Variants in RYK observed in about 807,000 individuals in gnomAD.
RYK encodes the protein inactive tyrosine-protein kinase RYK.
In RYK, 21 loss-of-function variants were observed where a neutral mutation model predicts 70.2. That is an observed-to-expected ratio of 0.30 (90% confidence interval 0.21 to 0.43). RYK has a LOEUF of 0.43. RYK is among the 20% of genes least tolerant of loss of function. The pLI, the probability that RYK is intolerant of heterozygous loss-of-function variation, is 1.00. For synonymous variants in RYK, 267 were observed against 278.0 expected (o/e 0.96, Z 0.39); for missense variants, 604 against 753.3 (o/e 0.80, Z 2.32).
chr3:134,168,401 G>C (rs2012766900), intron 13 of RYK, among the ~76,000 whole-genome samples: 1 of 152,178 alleles, frequency 6.6e-6, no homozygotes, highest in African/African-American at 2.4e-5. Context: ...ACTGGATTAA[G>C]AAAATGTGGC....
At position 134,174,090 on chromosome 3, in the gene RYK, C is replaced by T. The variant is rs578109094; in HGVS notation, c.1575+1519G>A. 9.2e-5 allele frequency among the ~76,000 whole-genome samples: 14 copies of T among 152,160 alleles called. No individual in the cohort carries two copies. The South Asian group carries it at 2.7e-3, about 29-fold the overall frequency. On this transcript the variant is annotated intron_variant, in intron 13 of 14. Transcript: ENST00000623711. ...AGGGAGGCAAAGAGAGTTTGAAAGA[C>T]GTATGTGAAGAAGAAGGTGGTATGA...
chr3:134,201,553 G>A (rs796110734), intron 6 of RYK, among the ~76,000 whole-genome samples: 5 of 152,330 alleles, frequency 3.3e-5, no homozygotes, highest in African/African-American at 1.2e-4. Context: ...GAGACAAAGA[G>A]AAAGGGGTGT....
At chr3:134,191,790 G>T (rs985687139) in intron 8 of RYK, 59 bp downstream of exon 8, 6 of 1,385,690 alleles carry the variant, frequency 4.3e-6, no homozygotes, top group Non-Finnish European at 5.9e-6. Flanking sequence ...TTTGAAAAAA[G>T]TGTCTATAGT....
intron 13 of RYK, among the ~76,000 whole-genome samples, chr3:134,174,260 G>A (rs940118787): frequency 3.9e-5 from 6 of 152,156 alleles, no homozygotes; most frequent in Non-Finnish European, 7.4e-5. Flanking sequence ...GGCCTCAGAA[G>A]TGAACCACGA....
intron 6 of RYK, among the ~76,000 whole-genome samples, chr3:134,196,453 A>G (rs78785214): frequency 0.01 from 1,573 of 152,282 alleles, 12 homozygotes; most frequent in Non-Finnish European, 0.014. Context: ...TTAAAAAAAT[A>G]CATAATAAAG....
intron 4 of RYK, 90 bp downstream of exon 4, chr3:134,209,605 G>A: frequency 1.1e-6 from 1 of 926,760 alleles, no homozygotes; most frequent in East Asian, 3.2e-5. Context: ...TCATGAGTTG[G>A]ACATACTTAA....
chr3:134,183,719 C>A (rs2013375703), intron 9 of RYK, among the ~76,000 whole-genome samples: 1 of 152,106 alleles, frequency 6.6e-6, no homozygotes, highest in Non-Finnish European at 1.5e-5. Flanking sequence ...CAGATATAGT[C>A]ACAAAAGCTC....
At chr3:134,161,489 A>G (rs1457413691) in intron 13 of RYK, among the ~76,000 whole-genome samples, 4 of 152,242 alleles carry the variant, frequency 2.6e-5, no homozygotes, top group Non-Finnish European at 2.9e-5. Context: ...CCCTTGGCAC[A>G]GACAAATGTC....
At chr3:134,230,483 T>C (rs1030030769) in intron 1 of RYK, among the ~76,000 whole-genome samples, 1 of 152,208 alleles carries the variant, frequency 6.6e-6, no homozygotes, top group Non-Finnish European at 1.5e-5. Context: ...ATAAATGGAA[T>C]GCTAATCAGC....
At chr3:134,226,417 T>A (rs2014912847) in intron 1 of RYK, among the ~76,000 whole-genome samples, 1 of 152,084 alleles carries the variant, frequency 6.6e-6, no homozygotes, top group African/African-American at 2.4e-5. Flanking sequence ...TATCAAACAT[T>A]TAGGGAAGAC....
At chr3:134,223,861 G>C (rs1284702580) in intron 1 of RYK, among the ~76,000 whole-genome samples, 1 of 152,196 alleles carries the variant, frequency 6.6e-6, no homozygotes, top group Non-Finnish European at 1.5e-5. Flanking sequence ...AGTATGCAGA[G>C]AGGTCAAGAT....
At chr3:134,219,141 T>C (rs2014653956) in intron 2 of RYK, among the ~76,000 whole-genome samples, 1 of 152,184 alleles carries the variant, frequency 6.6e-6, no homozygotes, top group Non-Finnish European at 1.5e-5. Context: ...GTTACAGCTA[T>C]ACCAAGGCTT....
At chr3:134,208,407 C>A (rs1392413961) in intron 4 of RYK, among the ~76,000 whole-genome samples, 6 of 152,174 alleles carry the variant, frequency 3.9e-5, no homozygotes, top group Admixed American at 3.9e-4. Flanking sequence ...GTCCAATCTC[C>A]TTATATCAAA....
At chr3:134,197,822 T>C (rs2013862057) in intron 6 of RYK, among the ~76,000 whole-genome samples, 1 of 152,218 alleles carries the variant, frequency 6.6e-6, no homozygotes. Flanking sequence ...GATGACTAAG[T>C]GCACAGACAC....
rs1389320476 is a variant in RYK at position 134,195,202 on chromosome 3, G to T, written c.789-20C>A. The T allele has an allele frequency of 4.5e-6, 7 of 1,560,202 alleles. No individual in the cohort carries two copies. Among genetic ancestry groups the T allele is most frequent in the South Asian group, 1.1e-5 (1 of 88,348 alleles). On this transcript the variant is annotated intron_variant, in intron 6 of 14. Coordinates refer to ENST00000623711, the MANE Select transcript of RYK (RefSeq NM_002958.4). ...CTAATGCTGCAAACAATTTTTGAGA[G>T]AAATATTTGACAAGTCAGTTTCAAT...
intron 13 of RYK, among the ~76,000 whole-genome samples, chr3:134,162,428 T>C (rs990410083): frequency 2.6e-5 from 4 of 151,792 alleles, no homozygotes; most frequent in Non-Finnish European, 5.9e-5. Flanking sequence ...ATCATTAACA[T>C]GGAGCAAAGT....
At chr3:134,197,418 A>G (rs1038936587) in intron 6 of RYK, among the ~76,000 whole-genome samples, 1 of 152,236 alleles carries the variant, frequency 6.6e-6, no homozygotes, top group African/African-American at 2.4e-5. Flanking sequence ...CTATCCTCTG[A>G]TAAGATTGCT....
chr3:134,164,496 T>C (rs1366074262), intron 13 of RYK, among the ~76,000 whole-genome samples: 1 of 152,220 alleles, frequency 6.6e-6, no homozygotes. Context: ...TAGAATTATA[T>C]AAATAGAATT....
chr3:134,195,900 T>C (rs186490165), intron 6 of RYK, among the ~76,000 whole-genome samples: 22 of 151,888 alleles, frequency 1.4e-4, no homozygotes, highest in Admixed American at 1.4e-3. Context: ...GAGTCAAGAT[T>C]ACGCCACTGC....
Sources: gnomAD v4.1 joint callset for allele counts (sites outside exome capture counted in the v4.1 genomes callset) on GRCh38, gnomAD v4.1.1 for gene constraint, MANE v1.5 for transcripts, NCBI Gene and HGNC (gene_info 2026-07-23, HGNC 2026-07-21) for gene names.